Variants in NXPH2 observed in about 807,000 individuals in gnomAD.
NXPH2 encodes neurexophilin 2, also known as neurexophilin-2.
A neutral mutation model predicts 19.8 loss-of-function variants in NXPH2; 5 were observed. The observed-to-expected ratio is 0.25, with a 90% CI of 0.13 to 0.53. The LOEUF is 0.53. NXPH2 is among the 20% of genes least tolerant of loss of function. NXPH2 has a pLI of 0.96. For synonymous variants in NXPH2, 154 were observed against 127.4 expected, an observed-to-expected ratio of 1.21 and a Z score of -1.41; for missense variants, 289 against 322.8, an observed-to-expected ratio of 0.90 and a Z score of 0.80.
chr2:138,704,441 T>A (rs1680978908), intron 1 of NXPH2, among the ~76,000 whole-genome samples: 2 of 152,236 alleles, frequency 1.3e-5, no homozygotes, highest in African/African-American at 4.8e-5. Context: ...TATTAGAACA[T>A]TATTTAATCA....
At chr2:138,768,660 C>T (rs574769514) in intron 1 of NXPH2, among the ~76,000 whole-genome samples, 1 of 152,200 alleles carries the variant, frequency 6.6e-6, no homozygotes, top group Admixed American at 6.5e-5. Context: ...CTGTGAGCTG[C>T]CCCATTTTAA....
chr2:138,761,372 C>T (rs748679806), intron 1 of NXPH2, among the ~76,000 whole-genome samples: 1 of 152,190 alleles, frequency 6.6e-6, no homozygotes, highest in South Asian at 2.1e-4. Context: ...ACCATTTCCC[C>T]GGTCAGGTCC....
chr2:138,676,152 A>G (rs1680481522), intron 1 of NXPH2, among the ~76,000 whole-genome samples: 1 of 152,184 alleles, frequency 6.6e-6, no homozygotes, highest in South Asian at 2.1e-4. Flanking sequence ...TGACTTCCAA[A>G]TCTAAACCCA....
intron 1 of NXPH2, among the ~76,000 whole-genome samples, chr2:138,676,349 C>T (rs1261779192): frequency 6.6e-6 from 1 of 152,132 alleles, no homozygotes; most frequent in Non-Finnish European, 1.5e-5. Flanking sequence ...GTTGAGAGCT[C>T]AGGCACCCTT....
intron 1 of NXPH2, among the ~76,000 whole-genome samples, chr2:138,714,914 T>G (rs1473970806): frequency 6.6e-6 from 1 of 152,200 alleles, no homozygotes; most frequent in Non-Finnish European, 1.5e-5. Context: ...AATGTACAGA[T>G]GATAATTCAG....
chr2:138,690,166 C>A (rs1204268374), intron 1 of NXPH2, among the ~76,000 whole-genome samples: 7 of 152,218 alleles, frequency 4.6e-5, no homozygotes, highest in Non-Finnish European at 1.5e-5. Context: ...TGTCCGCCTT[C>A]CCCCACTGGC....
chr2:138,681,310 ATTGT>A (rs1485223527), intron 1 of NXPH2, among the ~76,000 whole-genome samples: 1 of 152,192 alleles, frequency 6.6e-6, no homozygotes, highest in Non-Finnish European at 1.5e-5. Context: ...GGGATTACTG[ATTGT>A]TCTAAATGGA....
intron 1 of NXPH2, among the ~76,000 whole-genome samples, chr2:138,702,675 T>C (rs1320264669): frequency 6.6e-6 from 1 of 151,946 alleles, no homozygotes; most frequent in Non-Finnish European, 1.5e-5. Context: ...GGATGACTAT[T>C]TCTTTGACAG....
In NXPH2 at chr2:138,671,332, G is replaced by A; in HGVS notation, c.385C>T (p.Leu129Phe). Residue 129 changes from leucine to phenylalanine, a missense_variant, in exon 2 of 2, where the codon CTC (leucine) becomes TTC (phenylalanine). By Grantham distance (22) the Leu-to-Phe change is conservative. Transcript: ENST00000272641. ...TGGTCAACAATTTTCCCTGTGATGAGGAGATTGAGTTTGACAGTTTTAATG... is the reference window on the plus strand; with the variant it reads ...TGGTCAACAATTTTCCCTGTGATGAAGAGATTGAGTTTGACAGTTTTAATG... ...SNIKTVKLNL[L>F]ITGKIVDHGN... The A allele has an allele frequency of 4.3e-6, 7 of 1,613,858 alleles. No homozygotes were observed. The highest frequency in any genetic ancestry group is 5.9e-6 in the Non-Finnish European group (7 of 1,179,810).
chr2:138,706,376 T>C (rs1681008955), intron 1 of NXPH2, among the ~76,000 whole-genome samples: 1 of 152,214 alleles, frequency 6.6e-6, no homozygotes, highest in South Asian at 2.1e-4. Context: ...TTAAGGATGT[T>C]AACCAATTGG....
At chr2:138,689,422 A>C (rs964142260) in intron 1 of NXPH2, among the ~76,000 whole-genome samples, 3 of 152,146 alleles carry the variant, frequency 2.0e-5, no homozygotes, top group Non-Finnish European at 4.4e-5. Context: ...CCTCATTAAC[A>C]GAGTAGGGGA....
chr2:138,711,216 C>T (rs1017228966), intron 1 of NXPH2, among the ~76,000 whole-genome samples: 3 of 143,534 alleles, frequency 2.1e-5, no homozygotes, highest in Non-Finnish European at 4.5e-5. Flanking sequence ...TCTTGGCTCA[C>T]TGCAACCTCC....
Position 138,670,978 on chromosome 2 carries a change from T to C in NXPH2, c.739A>G (p.Lys247Glu), listed in dbSNP as rs1364090883. The C allele has an allele frequency of 6.2e-7, 1 of 1,613,896 alleles. No homozygotes were observed. ...TGGTAATTGTAGTCAGGGCACACCT[T>C]TTGCACGAGTTTATAATCAACACTG... ...FYSVDYKLVQ[K>E]VCPDYNYHSE... The change falls in exon 2 of 2, where the codon AAG (lysine) becomes GAG (glutamate). Residue 247 changes from lysine to glutamate, a missense_variant. Lys to Glu is a moderately conservative substitution (Grantham distance 56). Coordinates refer to ENST00000272641, the MANE Select transcript of NXPH2 (RefSeq NM_007226.3).
Position 138,748,125 on chromosome 2 carries a change from G to A in NXPH2, c.51+32066C>T, listed in dbSNP as rs532344547. On this transcript the variant is annotated intron_variant, in intron 1 of 1. Coordinates refer to ENST00000272641, the MANE Select transcript of NXPH2 (RefSeq NM_007226.3). ...TGTATTCATTTATCCAGTGTTTCAC[G>A]ATGTTGTCATGTGGGAGGCACTGTG... is the stretch of plus-strand genomic sequence containing the variant. Among the ~76,000 whole-genome samples, 9 of 152,230 alleles carry A rather than the reference G, an allele frequency of 5.9e-5. No individual in the cohort carries two copies. The South Asian group carries it at 1.5e-3, about 25-fold the overall frequency.
intron 1 of NXPH2, among the ~76,000 whole-genome samples, chr2:138,772,592 C>T (rs1175697601): frequency 4.6e-5 from 7 of 152,196 alleles, no homozygotes; most frequent in Admixed American, 1.3e-4. Flanking sequence ...CCACCGCGCC[C>T]GGCCCATGAG....
chr2:138,736,329 G>A (rs2105003133), intron 1 of NXPH2, among the ~76,000 whole-genome samples: 1 of 152,350 alleles, frequency 6.6e-6, no homozygotes, highest in African/African-American at 2.4e-5. Flanking sequence ...AATATAGGCA[G>A]AGGTTTCCAA....
At chr2:138,775,595 T>A (rs756926725) in intron 1 of NXPH2, among the ~76,000 whole-genome samples, 1 of 152,236 alleles carries the variant, frequency 6.6e-6, no homozygotes, top group Non-Finnish European at 1.5e-5. Flanking sequence ...ACAATATATA[T>A]GTTAACTGGG....
intron 1 of NXPH2, among the ~76,000 whole-genome samples, chr2:138,674,395 C>T (rs1177448077): frequency 6.6e-6 from 1 of 152,154 alleles, no homozygotes; most frequent in Non-Finnish European, 1.5e-5. Context: ...CTCAAGTGAT[C>T]TGCCTGCCTT....
chr2:138,776,197 G>A (rs1462813195), intron 1 of NXPH2, among the ~76,000 whole-genome samples: 3 of 151,856 alleles, frequency 2.0e-5, no homozygotes, highest in Non-Finnish European at 4.4e-5. Context: ...ACATTTGATT[G>A]GCAAGAACTA....
Sources: gnomAD v4.1 joint callset for allele counts (sites outside exome capture counted in the v4.1 genomes callset) on GRCh38, gnomAD v4.1.1 for gene constraint, MANE v1.5 for transcripts, NCBI Gene and HGNC (gene_info 2026-07-23, HGNC 2026-07-21) for gene names.